The following CDH13 variants were observed in gnomAD, a reference collection of about 807,000 sequenced individuals.
CDH13 encodes cadherin-13.
CDH13 carries 24 observed loss-of-function variants against 63.8 expected under a neutral mutation model. The ratio of observed to expected loss-of-function variants is 0.38; its 90% confidence interval spans 0.27 to 0.53. The LOEUF is 0.53. Ranked by LOEUF, CDH13 falls within the 20% of genes least tolerant of loss-of-function variation. CDH13 has a pLI of 0.85. For missense variants in CDH13, 1,049 were observed against 903.1 expected (o/e 1.16, Z -2.07); for synonymous variants, 503 against 355.3 (o/e 1.42, Z -4.67).
intron 6 of CDH13, among the ~76,000 whole-genome samples, chr16:83,481,348 T>C (rs2073755949): frequency 6.6e-6 from 1 of 152,216 alleles, no homozygotes; most frequent in South Asian, 2.1e-4. Context: ...AAAGAAATGT[T>C]AAGAACAGCA....
rs143665268 is a variant in CDH13, at chr16:82,672,273, C to T, written c.45+45136C>T. On this transcript the variant is annotated intron_variant, in intron 1 of 13. Coordinates refer to ENST00000567109, the MANE Select transcript of CDH13 (RefSeq NM_001257.5). ...AGAGTCAACTGATATAATGTATGCACACCATTGAGCAGTGTGTCTTCCTCA... is the reference window on the plus strand; with the variant it reads ...AGAGTCAACTGATATAATGTATGCATACCATTGAGCAGTGTGTCTTCCTCA... Among the ~76,000 whole-genome samples the T allele has an allele frequency of 2.3e-3, 353 of 152,300 alleles. 2 individuals carry two copies. Among genetic ancestry groups the T allele is most frequent in the African/African-American group, 8.2e-3 (340 of 41,552 alleles).
intron 5 of CDH13, among the ~76,000 whole-genome samples, chr16:83,302,192 AAAT>A (rs553177554): frequency 2.0e-5 from 3 of 152,326 alleles, no homozygotes; most frequent in East Asian, 3.9e-4. Flanking sequence ...ACATCATAGA[AAAT>A]GTGCCTAACC....
At chr16:83,081,726 C>A (rs2033268610) in intron 3 of CDH13, among the ~76,000 whole-genome samples, 1 of 151,916 alleles carries the variant, frequency 6.6e-6, no homozygotes, top group South Asian at 2.1e-4. Context: ...AGAGAAAGAG[C>A]TCGCAAGGAT....
intron 2 of CDH13, among the ~76,000 whole-genome samples, chr16:82,867,764 T>A (rs9319576): frequency 0.74 from 112,274 of 152,126 alleles, 41,742 homozygotes; most frequent in East Asian, 0.88. Context: ...TCAGTGAATT[T>A]AATGTCACAA....
At chr16:83,275,802 T>C (rs1324758469) in intron 5 of CDH13, among the ~76,000 whole-genome samples, 1 of 152,132 alleles carries the variant, frequency 6.6e-6, no homozygotes, top group African/African-American at 2.4e-5. Flanking sequence ...GTTCCCCGGA[T>C]GCCGGGCACA....
intron 7 of CDH13, among the ~76,000 whole-genome samples, chr16:83,561,263 A>G (rs1276254805): frequency 6.6e-6 from 1 of 151,250 alleles, no homozygotes; most frequent in Non-Finnish European, 1.5e-5. Flanking sequence ...CCTGACCAAC[A>G]TGGAGAAATC....
chr16:82,803,965 G>T (rs1476008943), intron 1 of CDH13, among the ~76,000 whole-genome samples: 1 of 152,146 alleles, frequency 6.6e-6, no homozygotes, highest in African/African-American at 2.4e-5. Context: ...CGCCATGGCT[G>T]ATGCCTGTAA....
chr16:83,501,457 A>C (rs2074281634), intron 7 of CDH13, among the ~76,000 whole-genome samples: 1 of 332 alleles, frequency 3.0e-3, no homozygotes, highest in Non-Finnish European at 0.014. Flanking sequence ...AAGAGTCAAG[A>C]GATTCTCCAT....
intron 5 of CDH13, among the ~76,000 whole-genome samples, chr16:83,251,238 G>A (rs1405778525): frequency 1.3e-5 from 2 of 152,160 alleles, no homozygotes; most frequent in African/African-American, 2.4e-5. Flanking sequence ...ACAACTGTGT[G>A]TGAATCAACA....
intron 5 of CDH13, among the ~76,000 whole-genome samples, chr16:83,281,456 A>G (rs1370702490): frequency 6.6e-6 from 1 of 152,224 alleles, no homozygotes; most frequent in Non-Finnish European, 1.5e-5. Context: ...TCTCCACATC[A>G]GCAATAAGGC....
chr16:83,375,861 G>C (rs1276606410), intron 6 of CDH13, among the ~76,000 whole-genome samples: 1 of 152,126 alleles, frequency 6.6e-6, no homozygotes, highest in African/African-American at 2.4e-5. Flanking sequence ...GTAGGCTATG[G>C]GGATGGCAGG....
chr16:83,627,180 C>G (rs928698782), intron 8 of CDH13, among the ~76,000 whole-genome samples: 3 of 151,394 alleles, frequency 2.0e-5, no homozygotes, highest in Admixed American at 2.0e-4. Context: ...GTCTCAGCTA[C>G]TGGAGGGGCT....
intron 2 of CDH13, among the ~76,000 whole-genome samples, chr16:82,903,273 TG>T (rs2041528701): frequency 6.6e-6 from 1 of 152,230 alleles, no homozygotes; most frequent in Non-Finnish European, 1.5e-5. Context: ...AGGTTGAGTT[TG>T]CATGGCAACC....
At chr16:82,756,973 C>CACTGATATATCTTTGTTGACGACTTGTTG (rs2034635189) in intron 1 of CDH13, among the ~76,000 whole-genome samples, 1 of 152,170 alleles carries the variant, frequency 6.6e-6, no homozygotes, top group Non-Finnish European at 1.5e-5. Context: ...GTGGCTGGCA[C>CACTGATATATCTTTGTTGACGACTTGTTG]ATTATCTTTG....
intron 6 of CDH13, among the ~76,000 whole-genome samples, chr16:83,420,132 AC>A (rs1324264619): frequency 1.3e-5 from 2 of 152,170 alleles, no homozygotes; most frequent in Middle Eastern, 3.2e-3. Flanking sequence ...CAAGATCAGG[AC>A]ATAGAGCTAG....
chr16:83,579,375 C>G (rs1189453850), intron 7 of CDH13, among the ~76,000 whole-genome samples: 2 of 152,144 alleles, frequency 1.3e-5, no homozygotes, highest in African/African-American at 4.8e-5. Flanking sequence ...GTTCCACAGG[C>G]TGTACGGGAA....
At chr16:83,507,312 A>G (rs1264792845) in intron 7 of CDH13, among the ~76,000 whole-genome samples, 2 of 152,248 alleles carry the variant, frequency 1.3e-5, no homozygotes, top group Non-Finnish European at 2.9e-5. Flanking sequence ...GCATTCTTCA[A>G]AGAGGTATTG....
chr16:83,193,053 C>T (rs1335092637), intron 4 of CDH13, among the ~76,000 whole-genome samples: 1 of 151,956 alleles, frequency 6.6e-6, no homozygotes, highest in African/African-American at 2.4e-5. Flanking sequence ...AGATGGCACA[C>T]TCGGAGTTGT....
At chr16:82,761,161 G>A (rs767418744) in intron 1 of CDH13, among the ~76,000 whole-genome samples, 1 of 150,748 alleles carries the variant, frequency 6.6e-6, no homozygotes. Context: ...GTAACTGGGA[G>A]TACAGGCATG....
Sources: allele counts gnomAD v4.1 joint callset (sites outside exome capture counted in the v4.1 genomes callset), GRCh38; gene constraint gnomAD v4.1.1; transcripts MANE v1.5; gene names NCBI Gene and HGNC (gene_info 2026-07-23, HGNC 2026-07-21).